Variants in ADGRG7 observed in about 807,000 individuals in gnomAD.
ADGRG7 encodes G-protein coupled receptor 128.
ADGRG7 carries 82 observed loss-of-function variants against 88.6 expected under a neutral mutation model. That is an observed-to-expected ratio of 0.93 (90% CI 0.77 to 1.11). The LOEUF (loss-of-function observed/expected upper bound fraction) is 1.11, where lower values mean the gene tolerates loss of function less well. Among genes scored for constraint, ADGRG7 ranks in the 50% most tolerant of loss-of-function variants. The pLI, the probability that ADGRG7 is intolerant of heterozygous loss-of-function variation, is 0.00. For missense variants in ADGRG7, 945 were observed against 953.4 expected, an observed-to-expected ratio of 0.99 and a Z score of 0.12; for synonymous variants, 381 against 345.2, an observed-to-expected ratio of 1.10 and a Z score of -1.15.
At chr3:100,664,379 C>A (rs1013281680) in intron 14 of ADGRG7, among the ~76,000 whole-genome samples, 1 of 152,060 alleles carries the variant, frequency 6.6e-6, no homozygotes, top group African/African-American at 2.4e-5. Context: ...TATTACAACC[C>A]ACCAATTTCT....
intron 1 of ADGRG7, among the ~76,000 whole-genome samples, chr3:100,611,338 T>C (rs1707151411): frequency 6.8e-6 from 1 of 147,486 alleles, no homozygotes; most frequent in Non-Finnish European, 1.5e-5. Flanking sequence ...CTCCCTTCCT[T>C]CCCCCCGTTC....
rs1707673965 is a variant in ADGRG7 at position 100,643,158 on chromosome 3, A to T, written c.699-108A>T. On this transcript the variant is annotated intron_variant, in intron 6 of 15. Coordinates refer to ENST00000273352, the MANE Select transcript of ADGRG7 (RefSeq NM_032787.3). ...TTAGGCAATTGTCAATGTTGTCATG[A>T]CCACACAATTCTATGCTCATGTCTT... 4.0e-6 allele frequency: 4 copies of T among 988,396 alleles called. No individual in the cohort carries two copies. The South Asian group carries it at 6.5e-5, about 16-fold the overall frequency. 61.2% of individuals were successfully genotyped at this position (988,396 alleles called of 1,614,324 possible).
intron 1 of ADGRG7, among the ~76,000 whole-genome samples, chr3:100,614,675 A>C (rs1017275852): frequency 1.3e-5 from 2 of 152,222 alleles, no homozygotes; most frequent in Admixed American, 6.5e-5. Context: ...AAGGATCTGC[A>C]GATGAAATTT....
intron 13 of ADGRG7, 70 bp from the exon 14 acceptor site, chr3:100,659,618 G>C: frequency 1.5e-6 from 2 of 1,352,192 alleles, no homozygotes; most frequent in Non-Finnish European, 2.1e-6. Context: ...TGTCAATAGT[G>C]TTAATAGCAC....
Position 100,645,905 on chromosome 3 carries a change from C to A in ADGRG7, c.947-40C>A, listed in dbSNP as rs1393535683. On this transcript the variant is annotated intron_variant, in intron 8 of 15. Transcript: ENST00000273352. ...GACATATTGTTTTTTGTTTACCTTA[C>A]AGTGCACTTATTGATTTTAATGTCT... 3 of 1,567,614 alleles carry A rather than the reference C, an allele frequency of 1.9e-6. No homozygotes were observed. The Admixed American group carries it at 5.4e-5, about 28-fold the overall frequency.
At chr3:100,680,508 G>A (rs1041844822) in intron 15 of ADGRG7, among the ~76,000 whole-genome samples, 2 of 151,778 alleles carry the variant, frequency 1.3e-5, no homozygotes, top group African/African-American at 2.4e-5. Context: ...GTTTTCTGTG[G>A]CCATTCTATT....
intron 15 of ADGRG7, among the ~76,000 whole-genome samples, chr3:100,693,735 C>A (rs1341226375): frequency 6.6e-6 from 1 of 152,130 alleles, no homozygotes; most frequent in Non-Finnish European, 1.5e-5. Context: ...TATTCTTTGT[C>A]CAGCTTTCCC....
At chr3:100,653,929 A>G (rs1164471229) in intron 11 of ADGRG7, among the ~76,000 whole-genome samples, 2 of 152,156 alleles carry the variant, frequency 1.3e-5, no homozygotes, top group African/African-American at 2.4e-5. Flanking sequence ...TCACGCGACT[A>G]TGAAAGGTTA....
At chr3:100,633,220 T>C in intron 3 of ADGRG7, 45 bp from the exon 4 acceptor site, 1 of 959,052 alleles carries the variant, frequency 1.0e-6, no homozygotes, top group Non-Finnish European at 1.4e-6. Context: ...AGGCAATAAT[T>C]TTAATAAATA....
chr3:100,629,148 G>C (rs1707421267), intron 1 of ADGRG7, among the ~76,000 whole-genome samples: 2 of 152,080 alleles, frequency 1.3e-5, no homozygotes, highest in Admixed American at 1.3e-4. Context: ...GGTTTTTCAA[G>C]ATGTAATTTT....
chr3:100,615,366 G>A (rs1707210077), intron 1 of ADGRG7, among the ~76,000 whole-genome samples: 1 of 152,162 alleles, frequency 6.6e-6, no homozygotes, highest in Non-Finnish European at 1.5e-5. Flanking sequence ...GCTGTATTTT[G>A]TGGGTAATTT....
At position 100,628,365 on chromosome 3, in the gene ADGRG7, G is replaced by GT. The variant is rs952692602; in HGVS notation, c.116-1225dup. On this transcript the variant is annotated intron_variant, in intron 1 of 15. Transcript: ENST00000273352. ...TATTGAAACTAGAACTCTGCCACTT[G>GT]TTTTTTTTGTTTTTTTTTTGAGATT... 6.2e-5 allele frequency among the ~76,000 whole-genome samples: 8 copies of GT among 128,422 alleles called. No homozygotes were observed. In the South Asian group the frequency reaches 9.2e-4, roughly 15 times the overall value. The allele number at this position is 128,422 out of a possible 152,430, so 84.2% of individuals were successfully genotyped here.
chr3:100,635,415 T>A, intron 4 of ADGRG7: 1 of 443,532 alleles, frequency 2.3e-6, no homozygotes, highest in Non-Finnish European at 3.6e-6. Flanking sequence ...GGCCCATGGA[T>A]ACACTCTAGT....
At chr3:100,685,607 G>A (rs947763171) in intron 15 of ADGRG7, among the ~76,000 whole-genome samples, 1 of 152,064 alleles carries the variant, frequency 6.6e-6, no homozygotes, top group Non-Finnish European at 1.5e-5. Flanking sequence ...TCCCACCTAT[G>A]AGTGAGAACA....
chr3:100,689,453 C>T (rs187251369), intron 15 of ADGRG7, among the ~76,000 whole-genome samples: 5,871 of 152,200 alleles, frequency 0.039, 376 homozygotes, highest in African/African-American at 0.13. Flanking sequence ...TTAGTTGATG[C>T]AGTTTCTTCC....
chr3:100,630,046 A>G lies in ADGRG7; in HGVS notation c.229+335A>G, dbSNP rs978688875. Among the ~76,000 whole-genome samples, 4 of 152,166 alleles carry G rather than the reference A, an allele frequency of 2.6e-5. No homozygotes were observed. In the East Asian group the frequency reaches 7.7e-4, roughly 29 times the overall value. ...AATTGGTAATATGCCATAATATACC[A>G]TTTCAAATATCACTACTCTAATATA... On this transcript the variant is annotated intron_variant, in intron 2 of 15. Coordinates refer to ENST00000273352, the MANE Select transcript of ADGRG7 (RefSeq NM_032787.3).
rs1056063815 is a variant in ADGRG7 at position 100,646,656 on chromosome 3, A to G, written c.1198A>G (p.Lys400Glu). The change falls in exon 10 of 16, where the codon AAA becomes GAA. Residue 400 changes from lysine (K) to glutamate (E), a missense_variant. Transcript: ENST00000273352. ...GGACTGGGACACATATGGCTGTCAA[A>G]AAGACAAGGGCACTGATGGATTCCT... ...AKDWDTYGCQ[K>E]DKGTDGFLRC... 2 of 1,614,230 alleles carry G rather than the reference A, an allele frequency of 1.2e-6. No homozygotes were observed. The highest frequency in any genetic ancestry group is 1.7e-6 in the Non-Finnish European group (2 of 1,180,026).
chr3:100,649,636 C>A, intron 10 of ADGRG7, 59 bp from the exon 11 acceptor site: 2 of 900,648 alleles, frequency 2.2e-6, no homozygotes, highest in Non-Finnish European at 3.6e-6. Flanking sequence ...GTGATGTTGA[C>A]TTTCATTAAC....
At chr3:100,621,379 T>C (rs1707309515) in intron 1 of ADGRG7, among the ~76,000 whole-genome samples, 1 of 152,162 alleles carries the variant, frequency 6.6e-6, no homozygotes, top group Admixed American at 6.6e-5. Context: ...AAAGGAAAAG[T>C]TATTCAAGGA....
Sources: gnomAD v4.1 joint callset for allele counts (sites outside exome capture counted in the v4.1 genomes callset) on GRCh38, gnomAD v4.1.1 for gene constraint, MANE v1.5 for transcripts, NCBI Gene and HGNC (gene_info 2026-07-23, HGNC 2026-07-21) for gene names.